DLG2: variants seen among roughly 807,000 people sequenced by gnomAD.
The protein encoded by DLG2 is disks large homolog 2.
A neutral mutation model predicts 132.5 loss-of-function variants in DLG2; 45 were observed. The ratio of observed to expected loss-of-function variants is 0.34; its 90% CI spans 0.27 to 0.44. The LOEUF (loss-of-function observed/expected upper bound fraction) is 0.44, where lower values mean the gene tolerates loss of function less well. DLG2 is among the 20% of genes least tolerant of loss of function. The probability of loss-of-function intolerance (pLI) is 1.00; values close to 1 mark genes in which losing one functional copy is unlikely to be tolerated. For missense variants in DLG2, 1,045 were observed against 1,196.9 expected, an observed-to-expected ratio of 0.87 and a Z score of 1.87; for synonymous variants, 424 against 419.6, an observed-to-expected ratio of 1.01 and a Z score of -0.13.
At chr11:84,570,070 C>G (rs1320501608) in intron 6 of DLG2, among the ~76,000 whole-genome samples, 1 of 151,798 alleles carries the variant, frequency 6.6e-6, no homozygotes, top group Non-Finnish European at 1.5e-5. Flanking sequence ...AACTAATAAC[C>G]AAAAAAATAA....
At chr11:84,896,911 G>A (rs974737449) in intron 6 of DLG2, among the ~76,000 whole-genome samples, 2 of 151,538 alleles carry the variant, frequency 1.3e-5, no homozygotes, top group African/African-American at 4.8e-5. Context: ...ACTGTCTACA[G>A]TTTTGGGCAT....
chr11:84,386,960 T>G (rs1348416685), intron 7 of DLG2, among the ~76,000 whole-genome samples: 1 of 152,152 alleles, frequency 6.6e-6, no homozygotes, highest in Non-Finnish European at 1.5e-5. Context: ...ATTATATCAT[T>G]TATTCTGTGA....
chr11:83,562,467 C>G (rs894799450), intron 19 of DLG2, among the ~76,000 whole-genome samples: 2 of 151,926 alleles, frequency 1.3e-5, no homozygotes, highest in African/African-American at 4.8e-5. Context: ...TGGTGATGAT[C>G]CTAGTACAGG....
At chr11:84,832,570 C>CT (rs149779731) in intron 6 of DLG2, among the ~76,000 whole-genome samples, 1,801 of 151,496 alleles carry the variant, frequency 0.012, 45 homozygotes, top group African/African-American at 0.04. Context: ...CCATTAAGTA[C>CT]TTTTTTTTAT....
In DLG2 at chr11:84,184,824, G is replaced by C. The variant is rs535552520; in HGVS notation, c.574-21313C>G. On this transcript the variant is annotated intron_variant, in intron 8 of 27. Transcript: ENST00000376104. ...TTTTCCCAGCACCATTTATTAAATA[G>C]GGAATCCTTTCCCCATTGCTTGTTT... 4.9e-4 allele frequency among the ~76,000 whole-genome samples: 74 copies of C among 152,058 alleles called. 1 individual carries two copies. In the East Asian group the frequency reaches 0.013, roughly 26 times the overall value.
At chr11:85,348,310 C>G (rs2083015473) in intron 3 of DLG2, among the ~76,000 whole-genome samples, 1 of 151,600 alleles carries the variant, frequency 6.6e-6, no homozygotes, top group Non-Finnish European at 1.5e-5. Context: ...GCAACTTCAG[C>G]CTCCCAGGTT....
chr11:85,480,547 A>T (rs1405342710), intron 3 of DLG2, among the ~76,000 whole-genome samples: 1 of 152,232 alleles, frequency 6.6e-6, no homozygotes, highest in Non-Finnish European at 1.5e-5. Context: ...TGCAAAATAA[A>T]ACATATATTG....
chr11:85,223,256 G>A (rs773302078), intron 4 of DLG2, among the ~76,000 whole-genome samples: 24 of 152,100 alleles, frequency 1.6e-4, no homozygotes, highest in Non-Finnish European at 2.8e-4. Flanking sequence ...AGACGCACCT[G>A]CAATAGATTG....
intron 3 of DLG2, among the ~76,000 whole-genome samples, chr11:85,444,513 GCA>G (rs1301189610): frequency 6.6e-6 from 1 of 152,168 alleles, no homozygotes; most frequent in African/African-American, 2.4e-5. Context: ...GCTTCCTTAG[GCA>G]CAGTTAGATT....
chr11:84,371,882 A>T (rs2098708125), intron 7 of DLG2, among the ~76,000 whole-genome samples: 1 of 152,180 alleles, frequency 6.6e-6, no homozygotes, highest in South Asian at 2.1e-4. Context: ...ATTTTACTTT[A>T]TTAAAAAGAT....
chr11:84,048,406 G>T (rs1293264715), intron 11 of DLG2, among the ~76,000 whole-genome samples: 4 of 151,562 alleles, frequency 2.6e-5, no homozygotes, highest in Non-Finnish European at 5.9e-5. Flanking sequence ...GGAAAATGTA[G>T]TGTTTTGAGA....
intron 6 of DLG2, among the ~76,000 whole-genome samples, chr11:84,910,342 T>A (rs1403566499): frequency 1.3e-5 from 2 of 152,224 alleles, no homozygotes; most frequent in Non-Finnish European, 2.9e-5. Flanking sequence ...ATTTTGAATT[T>A]TTCTTATCTG....
At chr11:84,331,205 T>C (rs558576427) in intron 7 of DLG2, among the ~76,000 whole-genome samples, 3 of 152,276 alleles carry the variant, frequency 2.0e-5, no homozygotes, top group Non-Finnish European at 2.9e-5. Flanking sequence ...AGCTACCATT[T>C]ATTGATCATC....
chr11:84,714,653 C>T (rs990715381), intron 6 of DLG2, among the ~76,000 whole-genome samples: 8 of 142,062 alleles, frequency 5.6e-5, no homozygotes, highest in African/African-American at 1.1e-4. Flanking sequence ...CTCTTTCTCT[C>T]TCTCTCTCTC....
chr11:84,608,234 G>A (rs1248449494), intron 6 of DLG2, among the ~76,000 whole-genome samples: 1 of 152,118 alleles, frequency 6.6e-6, no homozygotes, highest in East Asian at 1.9e-4. Context: ...CTCATTCAAG[G>A]CAAAATTCCT....
chr11:83,727,635 C>T lies in DLG2; in HGVS notation c.1825+59055G>A, dbSNP rs920317066. Among the ~76,000 whole-genome samples the T allele has an allele frequency of 2.0e-5, 3 of 152,288 alleles. No individual in the cohort carries two copies. In the South Asian group the frequency reaches 6.2e-4, roughly 32 times the overall value. On this transcript the variant is annotated intron_variant, in intron 18 of 27. Coordinates refer to ENST00000376104, the MANE Select transcript of DLG2 (RefSeq NM_001142699.3). ...CCTGCTTCCTATTCTGTTCAAAAGT[C>T]TCTCCAATTTTAATATAGTCCATGT...
intron 6 of DLG2, among the ~76,000 whole-genome samples, chr11:84,985,498 T>C (rs1262675820): frequency 6.6e-6 from 1 of 152,040 alleles, no homozygotes; most frequent in African/African-American, 2.4e-5. Context: ...GGAAAATTCA[T>C]AGCCCTAAAC....
chr11:85,515,528 A>G (rs887359314), intron 3 of DLG2, among the ~76,000 whole-genome samples: 2 of 151,978 alleles, frequency 1.3e-5, no homozygotes, highest in South Asian at 2.1e-4. Flanking sequence ...GGATATTAAT[A>G]GTGTCTATCT....
chr11:85,453,931 A>T (rs1424891210), intron 3 of DLG2, among the ~76,000 whole-genome samples: 1 of 151,342 alleles, frequency 6.6e-6, no homozygotes, highest in Non-Finnish European at 1.5e-5. Flanking sequence ...CCTTCCTCCC[A>T]CCCTCCACCC....
Sources: allele counts gnomAD v4.1 joint callset (sites outside exome capture counted in the v4.1 genomes callset), GRCh38; gene constraint gnomAD v4.1.1; transcripts MANE v1.5; gene names NCBI Gene and HGNC (gene_info 2026-07-23, HGNC 2026-07-21).